Variants in TDRD3 observed in about 807,000 individuals in gnomAD.
TDRD3 encodes the protein tudor domain-containing protein 3.
In TDRD3, 45 loss-of-function variants were observed where a neutral mutation model predicts 86.7. The observed-to-expected ratio is 0.52, with a 90% CI of 0.41 to 0.67. The LOEUF is 0.67. Among genes scored for constraint, TDRD3 ranks in the 30% least tolerant of loss-of-function variants. The pLI, the probability that TDRD3 is intolerant of heterozygous loss-of-function variation, is 0.00. For missense variants in TDRD3, 814 were observed against 889.0 expected (o/e 0.92, Z 1.07); for synonymous variants, 298 against 301.7 (o/e 0.99, Z 0.13).
intron 1 of TDRD3, among the ~76,000 whole-genome samples, chr13:60,424,053 AC>A (rs1440248325): frequency 6.6e-6 from 1 of 151,788 alleles, no homozygotes; most frequent in African/African-American, 2.4e-5. Context: ...ATGGAGTCTT[AC>A]TCTGTCGCCC....
chr13:60,503,808 A>G (rs780698098), intron 8 of TDRD3, among the ~76,000 whole-genome samples: 4 of 152,240 alleles, frequency 2.6e-5, no homozygotes, highest in Non-Finnish European at 5.9e-5. Context: ...TTACTATTAC[A>G]TGAAAATCCT....
In TDRD3 at chr13:60,421,001, A is replaced by G. The variant is rs1415705557; in HGVS notation, c.42-18687A>G. Among the ~76,000 whole-genome samples, 4 of 152,162 alleles carry G rather than the reference A, an allele frequency of 2.6e-5. No individual in the cohort carries two copies. In the South Asian group the frequency reaches 6.2e-4, roughly 24 times the overall value. On this transcript the variant is annotated intron_variant, in intron 1 of 13. Transcript: ENST00000377881. Reference sequence around the variant, plus strand: ...TGGGTCTATATTGTTTTATTATTCTATTTGACTGTCCTCATGCCAATATCA... The same window carrying G: ...TGGGTCTATATTGTTTTATTATTCTGTTTGACTGTCCTCATGCCAATATCA...
chr13:60,453,549 G>T (rs372995888), intron 3 of TDRD3, among the ~76,000 whole-genome samples: 1 of 152,148 alleles, frequency 6.6e-6, no homozygotes, highest in African/African-American at 2.4e-5. Context: ...TATTGGAATA[G>T]CACTTGGGAA....
At chr13:60,410,597 T>A (rs1234503095) in intron 1 of TDRD3, among the ~76,000 whole-genome samples, 1 of 152,208 alleles carries the variant, frequency 6.6e-6, no homozygotes, top group African/African-American at 2.4e-5. Context: ...GGCCACGATC[T>A]TTTCTCTAGG....
chr13:60,468,044 T>C (rs1955987126), intron 5 of TDRD3, among the ~76,000 whole-genome samples: 1 of 152,158 alleles, frequency 6.6e-6, no homozygotes, highest in Non-Finnish European at 1.5e-5. Flanking sequence ...TATCCACATA[T>C]CCTTTCTCCA....
At chr13:60,480,129 A>G (rs902712201) in intron 5 of TDRD3, among the ~76,000 whole-genome samples, 1 of 152,162 alleles carries the variant, frequency 6.6e-6, no homozygotes, top group Non-Finnish European at 1.5e-5. Context: ...GATGACAGGT[A>G]TCATTTCTTC....
chr13:60,438,158 G>A (rs1955168371), intron 1 of TDRD3, among the ~76,000 whole-genome samples: 1 of 152,000 alleles, frequency 6.6e-6, no homozygotes, highest in Admixed American at 6.6e-5. Flanking sequence ...CATAAGCGGG[G>A]CATAATATTT....
chr13:60,447,278 C>A (rs936286962), intron 3 of TDRD3, among the ~76,000 whole-genome samples: 3 of 152,036 alleles, frequency 2.0e-5, no homozygotes, highest in Non-Finnish European at 4.4e-5. Context: ...TGATACGGAC[C>A]AGGAACAGAT....
chr13:60,525,961 T>A (rs889490418), intron 10 of TDRD3, among the ~76,000 whole-genome samples: 5 of 152,176 alleles, frequency 3.3e-5, no homozygotes, highest in African/African-American at 1.2e-4. Flanking sequence ...AATTGTAGAT[T>A]AGGAAATTTT....
At chr13:60,448,830 G>A (rs1484069171) in intron 3 of TDRD3, among the ~76,000 whole-genome samples, 1 of 152,126 alleles carries the variant, frequency 6.6e-6, no homozygotes, top group Non-Finnish European at 1.5e-5. Context: ...ATATTTTGCT[G>A]TAGCTTTTTA....
At chr13:60,459,394 CTAAGTA>C (rs994943309) in intron 3 of TDRD3, among the ~76,000 whole-genome samples, 2 of 152,172 alleles carry the variant, frequency 1.3e-5, no homozygotes, top group African/African-American at 4.8e-5. Flanking sequence ...CAACTTTGCT[CTAAGTA>C]TATTTGTTTT....
chr13:60,563,026 C>G (rs1485977384), intron 12 of TDRD3, among the ~76,000 whole-genome samples: 1 of 151,916 alleles, frequency 6.6e-6, no homozygotes, highest in Non-Finnish European at 1.5e-5. Flanking sequence ...GTCAGGAGCT[C>G]AAGACCAGCC....
chr13:60,444,943 T>TA (rs557115311), intron 3 of TDRD3, among the ~76,000 whole-genome samples, 195 bp downstream of exon 3: 18 of 147,018 alleles, frequency 1.2e-4, no homozygotes, highest in Admixed American at 2.7e-4. Flanking sequence ...TTTTCAACAT[T>TA]AAAAAAAAAA....
At chr13:60,422,892 C>G (rs1954698595) in intron 1 of TDRD3, among the ~76,000 whole-genome samples, 2 of 152,056 alleles carry the variant, frequency 1.3e-5, no homozygotes, top group African/African-American at 4.8e-5. Flanking sequence ...ATATCTAAAA[C>G]TATAATTCAA....
At chr13:60,530,378 G>A (rs1957552720) in intron 11 of TDRD3, among the ~76,000 whole-genome samples, 1 of 152,082 alleles carries the variant, frequency 6.6e-6, no homozygotes, top group African/African-American at 2.4e-5. Flanking sequence ...ACGTATGTAA[G>A]GGAGTTACAG....
In TDRD3 at chr13:60,471,716, C is replaced by T. The variant is rs1445156806; in HGVS notation, c.495+4337C>T. On this transcript the variant is annotated intron_variant, in intron 5 of 13. Coordinates refer to ENST00000377881, the MANE Select transcript of TDRD3 (RefSeq NM_001146070.2). ...AACTGATTTCTCTGTGTTGATTTTGCGTACTCCAACTTTATTGAATTTAGT... is the reference window on the plus strand; with the variant it reads ...AACTGATTTCTCTGTGTTGATTTTGTGTACTCCAACTTTATTGAATTTAGT... 2.6e-5 allele frequency among the ~76,000 whole-genome samples: 4 copies of T among 152,114 alleles called. No homozygotes were observed. In the East Asian group the frequency reaches 5.8e-4, roughly 22 times the overall value.
At chr13:60,517,665 A>C (rs942251466) in intron 10 of TDRD3, among the ~76,000 whole-genome samples, 5 of 152,184 alleles carry the variant, frequency 3.3e-5, no homozygotes, top group African/African-American at 1.2e-4. Flanking sequence ...ATTCCTTTTT[A>C]CCATTCCATT....
intron 1 of TDRD3, among the ~76,000 whole-genome samples, chr13:60,438,017 AT>A (rs1195231765): frequency 6.6e-6 from 1 of 151,934 alleles, no homozygotes. Flanking sequence ...TTTTATAGTT[AT>A]TTTGGCCTTG....
rs1473062223 is a variant in TDRD3 at position 60,528,765 on chromosome 13, G to C, written c.1540G>C (p.Ala514Pro). The C allele has an allele frequency of 1.2e-6, 2 of 1,613,390 alleles. No individual in the cohort carries two copies. The highest frequency in any genetic ancestry group is 2.7e-5 in the African/African-American group (2 of 74,864). Residue 514 changes from alanine to proline, a missense_variant, in exon 11 of 14, where the codon GCA becomes CCA. Coordinates refer to ENST00000377881, the MANE Select transcript of TDRD3 (RefSeq NM_001146070.2). Reference sequence around the variant, plus strand: ...CAGATCAGGAAAAGGTCCCTCCTTTGCAGAGGCAAAAGAAAATCCACTTCC... The same window carrying C: ...CAGATCAGGAAAAGGTCCCTCCTTTCCAGAGGCAAAAGAAAATCCACTTCC... The part of the protein sequence containing the change: ...QSRSGKGPSF[A>P]EAKENPLPQG...
Sources: allele counts gnomAD v4.1 joint callset (sites outside exome capture counted in the v4.1 genomes callset), GRCh38; gene constraint gnomAD v4.1.1; transcripts MANE v1.5; gene names NCBI Gene and HGNC (gene_info 2026-07-23, HGNC 2026-07-21).